KCNIP1: variants seen among roughly 807,000 people sequenced by gnomAD.
The protein encoded by KCNIP1 is A-type potassium channel modulatory protein KCNIP1.
KCNIP1 carries 18 observed loss-of-function variants against 33.0 expected under a neutral mutation model. The ratio of observed to expected loss-of-function variants is 0.55; its 90% CI spans 0.38 to 0.81. The LOEUF (loss-of-function observed/expected upper bound fraction) is 0.81. KCNIP1 is among the 30% of genes least tolerant of loss of function. The pLI is 0.00. For missense variants in KCNIP1, 238 were observed against 271.6 expected, an observed-to-expected ratio of 0.88 and a Z score of 0.87; for synonymous variants, 93 against 98.3, an observed-to-expected ratio of 0.95 and a Z score of 0.32.
chr5:170,630,832 C>A (rs1453159651), intron 1 of KCNIP1, among the ~76,000 whole-genome samples: 1 of 152,168 alleles, frequency 6.6e-6, no homozygotes, highest in Non-Finnish European at 1.5e-5. Flanking sequence ...TACAGCATCA[C>A]CCCTATCTTC....
intron 1 of KCNIP1, among the ~76,000 whole-genome samples, chr5:170,612,084 G>A (rs903998064): frequency 1.3e-5 from 2 of 152,202 alleles, no homozygotes; most frequent in African/African-American, 4.8e-5. Context: ...GTTTCCATAT[G>A]TGCCAGACAC....
intron 1 of KCNIP1, among the ~76,000 whole-genome samples, chr5:170,579,102 A>G (rs192454669): frequency 2.0e-5 from 3 of 152,288 alleles, no homozygotes; most frequent in African/African-American, 4.8e-5. Context: ...CAGGACTAGA[A>G]CCCAGGCATG....
intron 1 of KCNIP1, chr5:170,561,129 A>G (rs1757020809): frequency 2.2e-6 from 1 of 456,018 alleles, no homozygotes; most frequent in Non-Finnish European, 4.4e-6. Context: ...GGCAGTGATA[A>G]AGGAGCTGGA....
chr5:170,651,889 T>C (rs770007120), intron 1 of KCNIP1, among the ~76,000 whole-genome samples: 13 of 152,258 alleles, frequency 8.5e-5, no homozygotes, highest in East Asian at 1.9e-4. Flanking sequence ...AATACTATTT[T>C]ATTTCTGACT....
intron 1 of KCNIP1, among the ~76,000 whole-genome samples, chr5:170,604,406 G>T (rs1476708243): frequency 6.6e-6 from 1 of 152,160 alleles, no homozygotes; most frequent in African/African-American, 2.4e-5. Context: ...TCCTTCAAGG[G>T]CGGGGATCGG....
In KCNIP1 at chr5:170,467,917, C is replaced by CAA. The variant is rs55671124; in HGVS notation, c.88+113974_88+113975dup. 4.0e-3 allele frequency among the ~76,000 whole-genome samples: 164 copies of CAA among 41,058 alleles called. 1 individual carries two copies. The highest frequency in any genetic ancestry group is 6.9e-3 in the African/African-American group (78 of 11,362). 26.9% of individuals were successfully genotyped at this position (41,058 alleles called of 152,430 possible). On this transcript the variant is annotated intron_variant, in intron 1 of 7. Transcript: ENST00000377360. ...TGGGCAACAAAGTCAGATTCCATCT[C>CAA]AAAAAAAAAAAAAAAAAAAAAAGGA...
At chr5:170,453,781 G>T (rs1164189948) in intron 1 of KCNIP1, among the ~76,000 whole-genome samples, 3 of 152,186 alleles carry the variant, frequency 2.0e-5, no homozygotes, top group Non-Finnish European at 4.4e-5. Context: ...CTTCCACGTG[G>T]CAAGGAGCTG....
At chr5:170,694,437 G>C (rs979203019) in intron 1 of KCNIP1, among the ~76,000 whole-genome samples, 1 of 151,852 alleles carries the variant, frequency 6.6e-6, no homozygotes, top group South Asian at 2.1e-4. Context: ...TAAGCATCAG[G>C]ACCCCCTTCT....
At chr5:170,462,770 A>T (rs996648231) in intron 1 of KCNIP1, among the ~76,000 whole-genome samples, 7 of 151,908 alleles carry the variant, frequency 4.6e-5, no homozygotes, top group Non-Finnish European at 1.0e-4. Context: ...TATATATATA[A>T]ATGGAATACT....
intron 1 of KCNIP1, among the ~76,000 whole-genome samples, chr5:170,529,546 T>A (rs1484450083): frequency 6.6e-6 from 1 of 152,124 alleles, no homozygotes; most frequent in Non-Finnish European, 1.5e-5. Context: ...AGTACACAGG[T>A]TTCTGTAAAG....
At chr5:170,384,580 T>G (rs956058056) in intron 1 of KCNIP1, among the ~76,000 whole-genome samples, 1 of 152,172 alleles carries the variant, frequency 6.6e-6, no homozygotes, top group African/African-American at 2.4e-5. Flanking sequence ...CTCCCAAGTA[T>G]CCTGTGGGAG....
At chr5:170,519,736 G>A (rs1755284318) in intron 1 of KCNIP1, among the ~76,000 whole-genome samples, 1 of 152,136 alleles carries the variant, frequency 6.6e-6, no homozygotes. Flanking sequence ...GTCAAGAAAG[G>A]GAGGAAGGAA....
chr5:170,574,977 G>C (rs1757547802), intron 1 of KCNIP1, among the ~76,000 whole-genome samples: 1 of 152,104 alleles, frequency 6.6e-6, no homozygotes, highest in South Asian at 2.1e-4. Context: ...AGTATTCGAA[G>C]ACCTGCTGTA....
intron 1 of KCNIP1, among the ~76,000 whole-genome samples, chr5:170,631,046 G>A (rs2113671235): frequency 6.6e-6 from 1 of 152,280 alleles, no homozygotes; most frequent in South Asian, 2.1e-4. Flanking sequence ...CTCAGTGTGT[G>A]AACTTGGTCA....
intron 1 of KCNIP1, among the ~76,000 whole-genome samples, chr5:170,362,360 G>A (rs1435428743): frequency 4.6e-5 from 7 of 152,150 alleles, no homozygotes; most frequent in Non-Finnish European, 8.8e-5. Flanking sequence ...AAGAAGCAAC[G>A]AAGACAAAAC....
rs1239851698 is a variant in KCNIP1, at chr5:170,623,157, G to C, written c.62-95601G>C. On this transcript the variant is annotated intron_variant, in intron 1 of 7. Coordinates refer to ENST00000328939, the MANE Select transcript of KCNIP1 (RefSeq NM_014592.4). ...GCCAGCTCACCTGCTGTGCAGCCGG[G>C]GTCCTAACAGGCCACAGACCCATCC... 2.6e-5 allele frequency among the ~76,000 whole-genome samples: 4 copies of C among 152,300 alleles called. No individual in the cohort carries two copies. The East Asian group carries it at 7.7e-4, about 29-fold the overall frequency.
chr5:170,625,038 C>T (rs1045565697), intron 1 of KCNIP1, among the ~76,000 whole-genome samples: 3 of 152,058 alleles, frequency 2.0e-5, no homozygotes, highest in Non-Finnish European at 4.4e-5. Context: ...TGGATGCCCT[C>T]GTGAGCTGAG....
At chr5:170,462,048 G>A (rs921028248) in intron 1 of KCNIP1, among the ~76,000 whole-genome samples, 2 of 151,964 alleles carry the variant, frequency 1.3e-5, no homozygotes, top group Non-Finnish European at 2.9e-5. Context: ...CTAGACATTC[G>A]CTTAGGCAAG....
chr5:170,638,758 C>T (rs985127595), intron 1 of KCNIP1, among the ~76,000 whole-genome samples: 1 of 152,228 alleles, frequency 6.6e-6, no homozygotes, highest in Non-Finnish European at 1.5e-5. Flanking sequence ...CAGCTCCTAA[C>T]AAGTCATGTG....
Sources: allele counts gnomAD v4.1 joint callset (sites outside exome capture counted in the v4.1 genomes callset), GRCh38; gene constraint gnomAD v4.1.1; transcripts MANE v1.5; gene names NCBI Gene and HGNC (gene_info 2026-07-23, HGNC 2026-07-21).